SLC2A5: variants seen among roughly 807,000 people sequenced by gnomAD.
SLC2A5 encodes the protein solute carrier family 2 member 5.
Under a neutral mutation model 50.3 loss-of-function variants are expected in SLC2A5, and 56 were observed. That is an observed-to-expected ratio of 1.11 (90% CI 0.90 to 1.39). The LOEUF (loss-of-function observed/expected upper bound fraction) is 1.39. Among genes scored for constraint, SLC2A5 ranks in the 40% most tolerant of loss-of-function variants. The pLI, the probability that SLC2A5 is intolerant of heterozygous loss-of-function variation, is 0.00. For missense variants in SLC2A5, 566 were observed against 650.1 expected, an observed-to-expected ratio of 0.87 and a Z score of 1.41; for synonymous variants, 269 against 281.9, an observed-to-expected ratio of 0.95 and a Z score of 0.46.
chr1:9,061,619 ATTCT>A (rs1641946822), intron 1 of SLC2A5, among the ~76,000 whole-genome samples: 2 of 150,542 alleles, frequency 1.3e-5, no homozygotes, highest in South Asian at 4.2e-4. Context: ...AAAAAAAAAA[ATTCT>A]TTTCTAATTC....
At chr1:9,058,310 T>G in intron 1 of SLC2A5, 60 bp from the exon 2 acceptor site, 1 of 1,157,752 alleles carries the variant, frequency 8.6e-7, no homozygotes, top group Non-Finnish European at 1.3e-6. Context: ...CCTCCCGCTT[T>G]ACTTCGGTTT....
At chr1:9,049,651 C>T (rs901486295) in intron 3 of SLC2A5, among the ~76,000 whole-genome samples, 5 of 150,752 alleles carry the variant, frequency 3.3e-5, no homozygotes, top group African/African-American at 9.8e-5. Context: ...TGCAGTGAGC[C>T]GAGATGGCCC....
chr1:9,041,345 A>T, intron 5 of SLC2A5: 1 of 656,058 alleles, frequency 1.5e-6, no homozygotes, highest in South Asian at 7.6e-5. Flanking sequence ...GGCCACCCTC[A>T]CTCCTGGTAC....
chr1:9,066,784 C>T (rs1188106635), intron 1 of SLC2A5, among the ~76,000 whole-genome samples: 1 of 151,662 alleles, frequency 6.6e-6, no homozygotes, highest in African/African-American at 2.4e-5. Flanking sequence ...AGCCCAAGAC[C>T]AGCCTGGGTA....
chr1:9,043,063 C>T (rs1363277489), intron 4 of SLC2A5, among the ~76,000 whole-genome samples: 4 of 152,116 alleles, frequency 2.6e-5, no homozygotes, highest in Non-Finnish European at 5.9e-5. Flanking sequence ...AGTATTTTCA[C>T]ATATATTGCC....
rs537953962 is a variant in SLC2A5 at position 9,038,351 on chromosome 1, G to A, written c.1174+80C>T. 3.2e-5 allele frequency: 33 copies of A among 1,036,334 alleles called. 1 individual carries two copies. In the South Asian group the frequency reaches 3.9e-4, roughly 12 times the overall value. 64.2% of individuals were successfully genotyped at this position (1,036,334 alleles called of 1,614,324 possible). A position where few individuals can be genotyped will look rare whatever the true frequency, so the allele number is the denominator to read the frequency against. Reference sequence around the variant, plus strand: ...TTCCAGGCTGCATTGGCCATCCCTGGTATCTCTAAGGAGCTCCAGCCCGGA... The same window carrying A: ...TTCCAGGCTGCATTGGCCATCCCTGATATCTCTAAGGAGCTCCAGCCCGGA... On this transcript the variant is annotated intron_variant, in intron 10 of 11. Coordinates refer to ENST00000377424, the MANE Select transcript of SLC2A5 (RefSeq NM_003039.3).
At chr1:9,076,434 G>A (rs904997084) in intron 2 of SLC2A5, among the ~76,000 whole-genome samples, 10 of 152,152 alleles carry the variant, frequency 6.6e-5, no homozygotes, top group African/African-American at 1.9e-4. Flanking sequence ...GATTCAAGTG[G>A]TCCTTGCCAG....
chr1:9,040,365 G>A lies in SLC2A5; in HGVS notation c.572-176C>T, dbSNP rs778664435. 2.1e-4 allele frequency: 151 copies of A among 716,190 alleles called. No homozygotes were observed. Among genetic ancestry groups the A allele is most frequent in the Non-Finnish European group, 3.3e-4 (145 of 444,736 alleles). 44.4% of individuals were successfully genotyped at this position (716,190 alleles called of 1,614,324 possible). A position where few individuals can be genotyped will look rare whatever the true frequency, so the allele number is the denominator to read the frequency against. On this transcript the variant is annotated intron_variant, in intron 5 of 11. Transcript: ENST00000377424. The surrounding 1 kb of genome is among the most constrained non-coding windows in gnomAD (Gnocchi z 4.3). ...GGTGGACACTCGGGAAACACCTGCA[G>A]CAGGGATCAGCAGCGACGCACCCCT...
chr1:9,091,636 T>C (rs1642463555), upstream of SLC2A5, among the ~76,000 whole-genome samples: 2 of 152,138 alleles, frequency 1.3e-5, no homozygotes, highest in East Asian at 1.9e-4. Flanking sequence ...TTACCTTCAA[T>C]GCCAATTTTA....
chr1:9,080,361 A>G (rs889564474), intron 2 of SLC2A5, among the ~76,000 whole-genome samples: 1 of 152,184 alleles, frequency 6.6e-6, no homozygotes, highest in Non-Finnish European at 1.5e-5. Context: ...TGATAATTCT[A>G]TTTTTAATTT....
At chr1:9,054,307 C>T (rs1168048764) in intron 3 of SLC2A5, among the ~76,000 whole-genome samples, 2 of 152,072 alleles carry the variant, frequency 1.3e-5, no homozygotes, top group African/African-American at 2.4e-5. Context: ...TATTGGAGGA[C>T]ATGTAAGAAG....
upstream of SLC2A5, among the ~76,000 whole-genome samples, chr1:9,090,579 G>T (rs374273645): frequency 6.6e-6 from 1 of 152,122 alleles, no homozygotes; most frequent in Non-Finnish European, 1.5e-5. Context: ...TTATCCTGTT[G>T]TCCCCAACCC....
intron 3 of SLC2A5, among the ~76,000 whole-genome samples, 156 bp downstream of exon 3, chr1:9,057,292 T>TAAAAAAAAAAAAAAAAAA (rs760221358): frequency 1.2e-4 from 12 of 103,368 alleles, no homozygotes; most frequent in East Asian, 2.2e-4. Context: ...TCTCAAAAAT[T>TAAAAAAAAAAAAAAAAAA]AAAAAAAAAA....
At chr1:9,063,383 GT>G (rs1641993719) in intron 1 of SLC2A5, among the ~76,000 whole-genome samples, 1 of 151,054 alleles carries the variant, frequency 6.6e-6, no homozygotes, top group African/African-American at 2.4e-5. Context: ...TTTTTTTGTT[GT>G]TGTTTTGAGA....
At position 9,040,205 on chromosome 1, in the gene SLC2A5, C is replaced by A; in HGVS notation, c.572-16G>T. 6.5e-7 allele frequency: 1 copy of A among 1,544,552 alleles called. No homozygotes were observed. The highest frequency in any genetic ancestry group is 8.7e-7 in the Non-Finnish European group (1 of 1,146,362). On this transcript the variant is annotated splice_polypyrimidine_tract_variant and intron_variant, in intron 5 of 11. Coordinates refer to ENST00000377424, the MANE Select transcript of SLC2A5 (RefSeq NM_003039.3). This position sits in a 1 kb window ranked among gnomAD's most constrained non-coding sequence, Gnocchi z 4.3. ...ATCGGCCAGCCTGGGAGGAAGGCAG[C>A]GAGCTGGCACCAGCGGCCTCCCCAC...
intron 7 of SLC2A5, 53 bp downstream of exon 7, chr1:9,039,747 G>T (rs1397974957): frequency 7.0e-7 from 1 of 1,431,078 alleles, no homozygotes; most frequent in East Asian, 2.9e-5. Context: ...CAGGACCTGC[G>T]CCCCGCGCCC....
chr1:9,058,108 G>T (rs772568807), intron 2 of SLC2A5, 44 bp downstream of exon 2: 3 of 1,463,608 alleles, frequency 2.0e-6, no homozygotes, highest in Non-Finnish European at 2.9e-6. Context: ...GCAATGGGCT[G>T]CTCCAAACGT....
chr1:9,068,512 C>T (rs994013751), intron 1 of SLC2A5, among the ~76,000 whole-genome samples: 21 of 146,290 alleles, frequency 1.4e-4, no homozygotes, highest in African/African-American at 1.5e-4. Context: ...AGTGCAATGG[C>T]GTGATCTCAG....
intron 3 of SLC2A5, among the ~76,000 whole-genome samples, chr1:9,050,861 A>T (rs1173479101): frequency 1.3e-5 from 2 of 152,254 alleles, no homozygotes; most frequent in Non-Finnish European, 2.9e-5. Flanking sequence ...TATGCATTAC[A>T]TAAAAGTAAA....
Sources: gnomAD v4.1 joint callset for allele counts (sites outside exome capture counted in the v4.1 genomes callset) on GRCh38, gnomAD v4.1.1 for gene constraint, Gnocchi (gnomAD v3.1) non-coding constraint, MANE v1.5 for transcripts, NCBI Gene and HGNC (gene_info 2026-07-23, HGNC 2026-07-21) for gene names.